The following CNTNAP2 variants were observed in gnomAD, a reference collection of about 807,000 sequenced individuals.
CNTNAP2 encodes contactin associated protein 2.
A neutral mutation model predicts 155.2 loss-of-function variants in CNTNAP2; 98 were observed. The ratio of observed to expected loss-of-function variants is 0.63; its 90% confidence interval spans 0.54 to 0.75. The LOEUF is 0.75. Ranked by LOEUF, CNTNAP2 falls within the 30% of genes least tolerant of loss-of-function variation. The pLI is 0.00. For missense variants in CNTNAP2, 1,727 were observed against 1,688.1 expected, an observed-to-expected ratio of 1.02 and a Z score of -0.40; for synonymous variants, 651 against 631.2, an observed-to-expected ratio of 1.03 and a Z score of -0.47.
At chr7:146,440,921 C>A (rs554196876) in intron 1 of CNTNAP2, among the ~76,000 whole-genome samples, 3 of 151,640 alleles carry the variant, frequency 2.0e-5, no homozygotes, top group South Asian at 4.1e-4. Flanking sequence ...TTACCAAATA[C>A]GTAATGTGAT....
At chr7:147,528,522 C>T (rs911443977) in intron 11 of CNTNAP2, among the ~76,000 whole-genome samples, 1 of 152,218 alleles carries the variant, frequency 6.6e-6, no homozygotes, top group Non-Finnish European at 1.5e-5. Context: ...CTCACAGACA[C>T]ACATGCACAC....
chr7:146,315,077 G>A (rs1040034260), intron 1 of CNTNAP2, among the ~76,000 whole-genome samples: 5 of 152,140 alleles, frequency 3.3e-5, no homozygotes, highest in Non-Finnish European at 7.3e-5. Flanking sequence ...TTAGGCTCAA[G>A]TTGGCTTTTT....
intron 11 of CNTNAP2, among the ~76,000 whole-genome samples, chr7:147,554,557 C>G (rs1293749741): frequency 6.6e-6 from 1 of 151,828 alleles, no homozygotes; most frequent in Non-Finnish European, 1.5e-5. Flanking sequence ...GAACTACAAG[C>G]TATTGTAATT....
At chr7:148,007,838 A>G (rs1802007099) in intron 15 of CNTNAP2, among the ~76,000 whole-genome samples, 1 of 152,166 alleles carries the variant, frequency 6.6e-6, no homozygotes, top group Non-Finnish European at 1.5e-5. Context: ...TCTAGGTCTT[A>G]TGCAAGGAAC....
At chr7:147,101,890 A>T (rs995738526) in intron 4 of CNTNAP2, among the ~76,000 whole-genome samples, 1 of 152,134 alleles carries the variant, frequency 6.6e-6, no homozygotes, top group African/African-American at 2.4e-5. Context: ...GTTTTGAAAG[A>T]AGCAACAATT....
chr7:146,978,100 G>A (rs910049237), intron 3 of CNTNAP2, among the ~76,000 whole-genome samples: 3 of 152,162 alleles, frequency 2.0e-5, no homozygotes, highest in African/African-American at 7.2e-5. Context: ...GTGGATAGGA[G>A]CCCTTTATAG....
intron 15 of CNTNAP2, among the ~76,000 whole-genome samples, chr7:148,068,654 C>G (rs1002571018): frequency 2.6e-5 from 4 of 152,182 alleles, no homozygotes; most frequent in Non-Finnish European, 5.9e-5. Flanking sequence ...GAGACCAGCA[C>G]AGCCCTTTTC....
chr7:147,742,669 G>T (rs1376875599), intron 13 of CNTNAP2, among the ~76,000 whole-genome samples: 1 of 152,196 alleles, frequency 6.6e-6, no homozygotes, highest in Non-Finnish European at 1.5e-5. Context: ...TGGATATTCA[G>T]CTTCAATAGT....
At position 146,589,606 on chromosome 7, in the gene CNTNAP2, G is replaced by A. The variant is rs544904027; in HGVS notation, c.98-184665G>A. On this transcript the variant is annotated intron_variant, in intron 1 of 23. Coordinates refer to ENST00000361727, the MANE Select transcript of CNTNAP2 (RefSeq NM_014141.6). ...ACACATTGGGGCCTGTTGGGGTTTGGGGGATAGGGGAGGGATAGTATTAGG... is the reference window on the plus strand; with the variant it reads ...ACACATTGGGGCCTGTTGGGGTTTGAGGGATAGGGGAGGGATAGTATTAGG... Among the ~76,000 whole-genome samples, 132 of 152,132 alleles carry A rather than the reference G, an allele frequency of 8.7e-4. 1 individual carries two copies. The highest frequency in any genetic ancestry group is 3.0e-3 in the African/African-American group (123 of 41,510).
At chr7:147,300,928 G>A (rs192412409) in intron 9 of CNTNAP2, among the ~76,000 whole-genome samples, 4 of 152,200 alleles carry the variant, frequency 2.6e-5, no homozygotes, top group East Asian at 1.9e-4. Flanking sequence ...GAGGAGGGGA[G>A]GGGAAAGCCA....
intron 13 of CNTNAP2, among the ~76,000 whole-genome samples, chr7:147,755,616 C>A (rs1475723210): frequency 6.6e-6 from 1 of 152,176 alleles, no homozygotes; most frequent in Non-Finnish European, 1.5e-5. Context: ...CATGCCACTG[C>A]ACCCCAGCCT....
chr7:148,081,717 A>G (rs1291201371), intron 15 of CNTNAP2, among the ~76,000 whole-genome samples: 1 of 152,158 alleles, frequency 6.6e-6, no homozygotes, highest in Non-Finnish European at 1.5e-5. Context: ...TATCTGAACT[A>G]AGCCTCAGAG....
intron 9 of CNTNAP2, among the ~76,000 whole-genome samples, chr7:147,341,251 A>C (rs1231516174): frequency 1.3e-5 from 2 of 152,022 alleles, no homozygotes; most frequent in African/African-American, 4.8e-5. Context: ...GAACACATGG[A>C]CACAGGGAGG....
chr7:148,296,424 G>A (rs977511894), intron 21 of CNTNAP2, among the ~76,000 whole-genome samples: 1 of 151,426 alleles, frequency 6.6e-6, no homozygotes, highest in Non-Finnish European at 1.5e-5. Flanking sequence ...GCATACGCCT[G>A]TAGTCCCAGC....
At chr7:146,768,863 A>G (rs927738254) in intron 1 of CNTNAP2, among the ~76,000 whole-genome samples, 2 of 152,210 alleles carry the variant, frequency 1.3e-5, no homozygotes. Flanking sequence ...TTCAGACATT[A>G]TATTTCAGCA....
chr7:147,698,588 G>T (rs1320156737), intron 13 of CNTNAP2, among the ~76,000 whole-genome samples: 1 of 151,916 alleles, frequency 6.6e-6, no homozygotes, highest in Non-Finnish European at 1.5e-5. Context: ...TTTAAGACAT[G>T]GTCTTGCTCT....
intron 3 of CNTNAP2, among the ~76,000 whole-genome samples, chr7:146,972,438 A>T (rs1276790336): frequency 1.3e-5 from 2 of 152,228 alleles, no homozygotes; most frequent in Non-Finnish European, 2.9e-5. Flanking sequence ...TAATGAATAC[A>T]ATTTTCAAGT....
At chr7:147,216,514 A>G in intron 8 of CNTNAP2, among the ~76,000 whole-genome samples, 1 of 151,982 alleles carries the variant, frequency 6.6e-6, no homozygotes, top group Non-Finnish European at 1.5e-5. Flanking sequence ...GTTATGTTCC[A>G]TTTATCTATT....
Position 146,198,191 on chromosome 7 carries a change from A to G in CNTNAP2, c.97+81218A>G, listed in dbSNP as rs547337210. Among the ~76,000 whole-genome samples, 9 of 152,286 alleles carry G rather than the reference A, an allele frequency of 5.9e-5. 1 individual carries two copies. Among genetic ancestry groups the G allele is most frequent in the African/African-American group, 2.2e-4 (9 of 41,576 alleles). On this transcript the variant is annotated intron_variant, in intron 1 of 23. Coordinates refer to ENST00000361727, the MANE Select transcript of CNTNAP2 (RefSeq NM_014141.6). Reference sequence around the variant, plus strand: ...GGCACACAGGCAAATCATATCATCAACTATCACTAATATTCCTGCTTACAA... The same window carrying G: ...GGCACACAGGCAAATCATATCATCAGCTATCACTAATATTCCTGCTTACAA...
Sources: gnomAD v4.1 joint callset for allele counts (sites outside exome capture counted in the v4.1 genomes callset) on GRCh38, gnomAD v4.1.1 for gene constraint, MANE v1.5 for transcripts, NCBI Gene and HGNC (gene_info 2026-07-23, HGNC 2026-07-21) for gene names.